The following ATRN variants were observed in gnomAD, a reference collection of about 807,000 sequenced individuals.
The protein encoded by ATRN is attractin, also known as attractin-2.
ATRN carries 54 observed loss-of-function variants against 178.7 expected under a neutral mutation model. The observed-to-expected ratio is 0.30, with a 90% confidence interval of 0.24 to 0.38. The LOEUF (loss-of-function observed/expected upper bound fraction) is 0.38, where lower values mean the gene tolerates loss of function less well. Among genes scored for constraint, ATRN ranks in the 10% least tolerant of loss-of-function variants. The pLI is 1.00. For missense variants in ATRN, 1,443 were observed against 1,815.1 expected, an observed-to-expected ratio of 0.79 and a Z score of 3.73; for synonymous variants, 636 against 663.0, an observed-to-expected ratio of 0.96 and a Z score of 0.63.
intron 17 of ATRN, 31 bp downstream of exon 17, chr20:3,584,114 T>A: frequency 6.2e-7 from 1 of 1,606,158 alleles, no homozygotes; most frequent in Non-Finnish European, 8.5e-7. Context: ...TAGGCACTTA[T>A]GCATGCCCTC....
intron 12 of ATRN, among the ~76,000 whole-genome samples, chr20:3,573,217 A>T (rs1250788249): frequency 1.3e-5 from 2 of 152,166 alleles, no homozygotes; most frequent in Non-Finnish European, 2.9e-5. Flanking sequence ...TACTGACCCC[A>T]GATTCTGGCT....
At chr20:3,515,149 G>T (rs1387418491) in intron 1 of ATRN, among the ~76,000 whole-genome samples, 2 of 152,056 alleles carry the variant, frequency 1.3e-5, no homozygotes, top group African/African-American at 2.4e-5. Flanking sequence ...CTGCAGTAAG[G>T]CAAGAAAAGT....
intron 1 of ATRN, among the ~76,000 whole-genome samples, chr20:3,507,202 C>G (rs993894715): frequency 1.3e-5 from 2 of 151,530 alleles, no homozygotes; most frequent in Non-Finnish European, 2.9e-5. Flanking sequence ...GTCAGGAGTT[C>G]AAGATCAGCC....
Position 3,599,898 on chromosome 20 carries a change from C to A in ATRN, c.3565-1048C>A, listed in dbSNP as rs1351152182. On this transcript the variant is annotated intron_variant, in intron 22 of 28. Transcript: ENST00000262919. ...GGTAAATGCTTTGTGAGAGAAACTT[C>A]TGGTTTAATGATCACATTTTAAAAA... Among the ~76,000 whole-genome samples, 5 of 152,260 alleles carry A rather than the reference C, an allele frequency of 3.3e-5. No homozygotes were observed. The East Asian group carries it at 9.6e-4, about 29-fold the overall frequency.
intron 6 of ATRN, among the ~76,000 whole-genome samples, chr20:3,552,818 G>A (rs1201812367): frequency 6.6e-6 from 1 of 152,140 alleles, no homozygotes; most frequent in Non-Finnish European, 1.5e-5. Context: ...TCAGCTCCTA[G>A]AGCTTACCTC....
At chr20:3,499,420 C>A (rs1313174466) in intron 1 of ATRN, among the ~76,000 whole-genome samples, 1 of 144,558 alleles carries the variant, frequency 6.9e-6, no homozygotes, top group Non-Finnish European at 1.5e-5. Flanking sequence ...ATCACACTAC[C>A]TGACTTCAAA....
chr20:3,625,051 A>G (rs1273892573), intron 25 of ATRN, among the ~76,000 whole-genome samples: 1 of 152,106 alleles, frequency 6.6e-6, no homozygotes, highest in Non-Finnish European at 1.5e-5. Flanking sequence ...TTTTATCTTT[A>G]TGAAAATACT....
Position 3,648,317 on chromosome 20 carries a change from G to T in ATRN, c.*1470G>T. On this transcript the variant is annotated 3_prime_UTR_variant, in exon 29 of 29. Coordinates refer to ENST00000262919, the MANE Select transcript of ATRN (RefSeq NM_139321.3). ...AATGGAAAATGACCAAATTTAAGAG[G>T]GTGGGACAGTCCCCTGCTCCTCTCC... 1 of 152,670 alleles carries T rather than the reference G, an allele frequency of 6.6e-6. No individual in the cohort carries two copies. 9.5% of individuals were successfully genotyped at this position (152,670 alleles called of 1,614,324 possible).
chr20:3,648,493 C>G lies in ATRN; in HGVS notation c.*1646C>G, dbSNP rs901044565. On this transcript the variant is annotated 3_prime_UTR_variant, in exon 29 of 29. Coordinates refer to ENST00000262919, the MANE Select transcript of ATRN (RefSeq NM_139321.3). ...GGATGGACCGCTGGACAGCAATGCT[C>G]GAGTTTGTGAATTTGGAGAGATACT... The G allele has an allele frequency of 6.6e-6, 1 of 152,546 alleles. No homozygotes were observed. Among genetic ancestry groups the G allele is most frequent in the African/African-American group, 2.4e-5 (1 of 41,424 alleles). 9.4% of individuals were successfully genotyped at this position (152,546 alleles called of 1,614,324 possible). A position where few individuals can be genotyped will look rare whatever the true frequency, so the allele number is the denominator to read the frequency against.
chr20:3,605,967 C>A (rs1464458824), intron 24 of ATRN, among the ~76,000 whole-genome samples: 2 of 152,162 alleles, frequency 1.3e-5, no homozygotes, highest in Non-Finnish European at 2.9e-5. Context: ...GGGACTGTGA[C>A]TAAAGAACAG....
intron 5 of ATRN, among the ~76,000 whole-genome samples, chr20:3,547,965 A>T (rs2085732719): frequency 6.6e-6 from 1 of 152,104 alleles, no homozygotes; most frequent in South Asian, 2.1e-4. Context: ...TAATTTGGTG[A>T]TTTTTCTTGT....
chr20:3,476,860 C>T (rs1010539424), intron 1 of ATRN, among the ~76,000 whole-genome samples: 2 of 152,062 alleles, frequency 1.3e-5, no homozygotes, highest in African/African-American at 2.4e-5. Flanking sequence ...AACTCTGTCT[C>T]GAAAGAAAGA....
intron 27 of ATRN, among the ~76,000 whole-genome samples, 188 bp from the exon 28 acceptor site, chr20:3,643,966 C>G (rs973732429): frequency 2.6e-5 from 4 of 152,246 alleles, no homozygotes; most frequent in African/African-American, 4.8e-5. Context: ...AGCAGTACCA[C>G]CCGTGTCACT....
At chr20:3,587,845 GTTTGTTT>G (rs1356924367) in intron 18 of ATRN, among the ~76,000 whole-genome samples, 89 of 152,022 alleles carry the variant, frequency 5.9e-4, no homozygotes, top group African/African-American at 2.1e-3. Context: ...TTGTTTGTTT[GTTTGTTT>G]GTTTGTTTGT....
intron 24 of ATRN, among the ~76,000 whole-genome samples, chr20:3,606,850 A>C (rs1243815768): frequency 6.6e-6 from 1 of 152,200 alleles, no homozygotes; most frequent in African/African-American, 2.4e-5. Context: ...ACTAACTTTT[A>C]ATAATTATAA....
intron 1 of ATRN, among the ~76,000 whole-genome samples, chr20:3,480,802 T>C (rs1323521905): frequency 6.6e-6 from 1 of 152,232 alleles, no homozygotes; most frequent in Non-Finnish European, 1.5e-5. Context: ...ATCATATAAA[T>C]GTGATTAAGT....
At chr20:3,644,706 C>G (rs1276146699) in intron 28 of ATRN, among the ~76,000 whole-genome samples, 1 of 152,218 alleles carries the variant, frequency 6.6e-6, no homozygotes, top group African/African-American at 2.4e-5. Context: ...CTCCCCTGGG[C>G]TGGTGTTTCT....
chr20:3,547,418 G>A lies in ATRN; in HGVS notation c.872G>A (p.Cys291Tyr), dbSNP rs536310570. Residue 291 changes from cysteine to tyrosine, a missense_variant, in exon 5 of 29, where the codon TGT (cysteine) becomes TAT (tyrosine). Cys to Tyr is a radical substitution (Grantham distance 194). This residue lies in a region of ATRN where 862 missense variants were observed against 972.1 expected (regional missense o/e 0.89). Transcript: ENST00000262919. ...ACDIPHCTDN[C>Y]GFPHRGICNS... ...GACATTCCTCACTGTACAGACAACT[G>A]TGGTTTTCCTCATCGAGGCATCTGC... The A allele has an allele frequency of 2.5e-6, 4 of 1,614,052 alleles. No individual in the cohort carries two copies. Among genetic ancestry groups the A allele is most frequent in the African/African-American group, 2.7e-5 (2 of 74,946 alleles).
Position 3,559,422 on chromosome 20 carries a change from C to T in ATRN, c.1142C>T (p.Pro381Leu), listed in dbSNP as rs745834303. ...GACCTTGCTTCTAGGGAGTGGCTTC[C>T]ACTAAACCGTTCTGTGAACAATGTG... ...AYDLASREWL[P>L]LNRSVNNVVV... Residue 381 changes from proline to leucine, a missense_variant, in exon 7 of 29, where the codon CCA becomes CTA. Physicochemically the swap from Pro to Leu is moderately conservative, Grantham distance 98. Transcript: ENST00000262919. The T allele has an allele frequency of 4.3e-6, 7 of 1,613,902 alleles. No individual in the cohort carries two copies. Among genetic ancestry groups the T allele is most frequent in the Non-Finnish European group, 5.9e-6 (7 of 1,179,824 alleles).
Sources: allele counts gnomAD v4.1 joint callset (sites outside exome capture counted in the v4.1 genomes callset), GRCh38; gene constraint gnomAD v4.1.1; regional missense constraint gnomAD v4.1.1; transcripts MANE v1.5; gene names NCBI Gene and HGNC (gene_info 2026-07-23, HGNC 2026-07-21).